Variants in FRMPD2 observed in about 807,000 individuals in gnomAD.
FRMPD2 encodes the protein FERM and PDZ domain-containing protein 2.
A neutral mutation model predicts 140.1 loss-of-function variants in FRMPD2; 96 were observed. The ratio of observed to expected loss-of-function variants is 0.69; its 90% CI spans 0.58 to 0.81. FRMPD2 has a LOEUF of 0.81. Ranked by LOEUF, FRMPD2 falls within the 40% of genes least tolerant of loss-of-function variation. FRMPD2 has a pLI of 0.00. For synonymous variants in FRMPD2, 449 were observed against 547.6 expected (o/e 0.82, Z 2.52); for missense variants, 1,240 against 1,447.4 (o/e 0.86, Z 2.32).
Position 48,222,527 on chromosome 10 carries a change from AG to A in FRMPD2, c.1317-77del, listed in dbSNP as rs1422875319. 2.7e-6 allele frequency: 4 copies of A among 1,502,398 alleles called. No homozygotes were observed. The African/African-American group carries it at 5.6e-5, about 21-fold the overall frequency. The allele number at this position is 1,502,398 out of a possible 1,614,324, so 93.1% of individuals were successfully genotyped here. ...AATGTTAGCACCAGTGGGTTTTCTC[AG>A]TGTGGGAAGTTGGAAAAGTAGGGAA... On this transcript the variant is annotated intron_variant, in intron 11 of 28. Transcript: ENST00000374201.
At chr10:48,181,546 C>T (rs1275797862) in intron 20 of FRMPD2, among the ~76,000 whole-genome samples, 2 of 152,080 alleles carry the variant, frequency 1.3e-5, no homozygotes, top group Non-Finnish European at 1.5e-5. Context: ...TTTTGGGAGG[C>T]TTGGTAATAA....
chr10:48,230,551 G>A (rs756446864), intron 10 of FRMPD2, among the ~76,000 whole-genome samples: 1 of 152,176 alleles, frequency 6.6e-6, no homozygotes. Context: ...TATGCATCAA[G>A]GCCAAACTTG....
At chr10:48,199,537 A>G (rs779713383) in intron 15 of FRMPD2, 1 of 152,196 alleles carries the variant, frequency 6.6e-6, no homozygotes, top group Non-Finnish European at 1.5e-5. Context: ...TTAATCTTCA[A>G]CTGTGCTGCA....
chr10:48,246,059 G>A (rs754723267), intron 3 of FRMPD2, among the ~76,000 whole-genome samples: 18 of 152,110 alleles, frequency 1.2e-4, no homozygotes, highest in Non-Finnish European at 2.1e-4. Context: ...TCAGATGAAC[G>A]TGCATAGATA....
chr10:48,200,127 A>G (rs1839047459), intron 15 of FRMPD2, among the ~76,000 whole-genome samples: 1 of 151,020 alleles, frequency 6.6e-6, no homozygotes, highest in African/African-American at 2.4e-5. Context: ...TTTCATAAGT[A>G]AATAAAAACT....
At chr10:48,223,596 A>G (rs1023955764) in intron 10 of FRMPD2, among the ~76,000 whole-genome samples, 14 of 152,190 alleles carry the variant, frequency 9.2e-5, no homozygotes, top group African/African-American at 3.4e-4. Flanking sequence ...AAACCAAGGA[A>G]AGGAGTTTGA....
chr10:48,254,653 G>A (rs577872268), intron 1 of FRMPD2, among the ~76,000 whole-genome samples: 1 of 152,364 alleles, frequency 6.6e-6, no homozygotes, highest in Admixed American at 6.5e-5. Context: ...CTGTACGCCA[G>A]GCACTGTTCA....
intron 9 of FRMPD2, among the ~76,000 whole-genome samples, chr10:48,235,860 C>T (rs527642448): frequency 5.3e-5 from 8 of 152,216 alleles, no homozygotes; most frequent in Admixed American, 2.6e-4. Context: ...GGGACGTGCT[C>T]AGGCTCTGGG....
At chr10:48,183,049 C>T (rs1324446047) in intron 20 of FRMPD2, among the ~76,000 whole-genome samples, 3 of 152,214 alleles carry the variant, frequency 2.0e-5, no homozygotes, top group African/African-American at 4.8e-5. Flanking sequence ...AGCATGGCCA[C>T]CTTCCACCAC....
intron 15 of FRMPD2, among the ~76,000 whole-genome samples, chr10:48,200,100 C>A (rs1289488996): frequency 1.3e-5 from 2 of 150,860 alleles, no homozygotes; most frequent in Non-Finnish European, 2.9e-5. Context: ...TTACCTTTTG[C>A]CCAAAATTGC....
chr10:48,258,990 T>C (rs988308119), intron 1 of FRMPD2, among the ~76,000 whole-genome samples: 2 of 152,240 alleles, frequency 1.3e-5, no homozygotes, highest in African/African-American at 4.8e-5. Context: ...TAAAGTCTAT[T>C]TCTGAGCAGA....
chr10:48,187,029 G>A (rs577727625), intron 17 of FRMPD2, among the ~76,000 whole-genome samples, 163 bp downstream of exon 17: 17 of 152,276 alleles, frequency 1.1e-4, no homozygotes, highest in Admixed American at 2.0e-4. Flanking sequence ...AAAGCTAAAC[G>A]CCTCTTCCCA....
At position 48,232,219 on chromosome 10, in the gene FRMPD2, T is replaced by C. The variant is rs2131925412; in HGVS notation, c.1064A>G (p.Glu355Gly). The C allele has an allele frequency of 6.2e-7, 1 of 1,614,106 alleles. No individual in the cohort carries two copies. The highest frequency in any genetic ancestry group is 1.7e-5 in the Admixed American group (1 of 60,018). The change falls in exon 10 of 29, where the codon GAG (glutamate) becomes GGG (glycine). Residue 355 changes from glutamate (E) to glycine (G), a missense_variant. By Grantham distance (98) the Glu-to-Gly change is moderately conservative (BLOSUM62 -2). This residue lies in a region of FRMPD2 where 1,161 missense variants were observed against 1,055.9 expected (regional missense o/e 1.10). Transcript: ENST00000374201. ...CVVLLNGQHL[E>G]VKCDVESTVG... is the part of the protein sequence containing the mutation. ...TGTTGATTCAACATCACATTTTACC[T>C]CCAGGTGCTGCCCGTTCAGCAGGAC...
At chr10:48,242,491 G>T in intron 4 of FRMPD2, 139 bp from the exon 5 acceptor site, 1 of 663,080 alleles carries the variant, frequency 1.5e-6, no homozygotes, top group Non-Finnish European at 2.5e-6. Context: ...CCCTTCTGGA[G>T]AGTTTAAGGA....
intron 1 of FRMPD2, among the ~76,000 whole-genome samples, chr10:48,274,165 G>A (rs1840815838): frequency 6.6e-6 from 1 of 152,186 alleles, no homozygotes; most frequent in African/African-American, 2.4e-5. Flanking sequence ...TGAATCCTCA[G>A]CAACATCGTA....
chr10:48,265,697 T>C (rs1244841925), intron 1 of FRMPD2, among the ~76,000 whole-genome samples: 1 of 152,032 alleles, frequency 6.6e-6, no homozygotes, highest in Non-Finnish European at 1.5e-5. Flanking sequence ...GAATGGCTAT[T>C]AATAAAAAGA....
chr10:48,248,975 C>T, intron 3 of FRMPD2, 46 bp downstream of exon 3: 1 of 1,528,596 alleles, frequency 6.5e-7, no homozygotes. Context: ...ACAGGCCTTT[C>T]CCAGGGCACA....
At chr10:48,249,578 G>A (rs1274302464) in intron 2 of FRMPD2, among the ~76,000 whole-genome samples, 3 of 152,196 alleles carry the variant, frequency 2.0e-5, no homozygotes, top group East Asian at 1.9e-4. Flanking sequence ...AGAAGATGAC[G>A]CTGAAGGCAC....
intron 1 of FRMPD2, among the ~76,000 whole-genome samples, chr10:48,271,210 T>G (rs1261347265): frequency 2.0e-5 from 3 of 152,126 alleles, no homozygotes; most frequent in Non-Finnish European, 2.9e-5. Context: ...TTGCCTCCTG[T>G]CCTTCTGCAG....
Sources: gnomAD v4.1 joint callset for allele counts (sites outside exome capture counted in the v4.1 genomes callset) on GRCh38, gnomAD v4.1.1 for gene constraint, gnomAD v4.1.1 regional missense constraint, MANE v1.5 for transcripts, NCBI Gene and HGNC (gene_info 2026-07-23, HGNC 2026-07-21) for gene names.